Variants in STK32A observed in about 807,000 individuals in gnomAD.
The protein encoded by STK32A is serine/threonine kinase 32A.
In STK32A, 41 loss-of-function variants were observed where a neutral mutation model predicts 53.2. That is an observed-to-expected ratio of 0.77 (90% CI 0.60 to 1.00). The LOEUF (loss-of-function observed/expected upper bound fraction) is 1.00, where lower values mean the gene tolerates loss of function less well. Ranked by LOEUF, STK32A falls within the 50% of genes least tolerant of loss-of-function variation. The pLI, the probability that STK32A is intolerant of heterozygous loss-of-function variation, is 0.00. For synonymous variants in STK32A, 166 were observed against 162.8 expected (o/e 1.02, Z -0.15); for missense variants, 458 against 485.8 (o/e 0.94, Z 0.54).
At chr5:147,355,811 T>TATATATATATATATATATATATAA (rs1756210964) in intron 7 of STK32A, among the ~76,000 whole-genome samples, 1 of 148,198 alleles carries the variant, frequency 6.7e-6, no homozygotes, top group African/African-American at 2.5e-5. Flanking sequence ...TATATATATA[T>TATATATATATATATATATATATAA]AAATAAGTTC....
the STK32A span, chr5:147,395,746 CCATT>C: frequency 6.2e-7 from 1 of 1,612,040 alleles, no homozygotes. Context: ...GAGCATGTCA[CCATT>C]CATTCATTCA....
intron 4 of STK32A, among the ~76,000 whole-genome samples, chr5:147,317,635 T>G (rs147086991): frequency 0.021 from 3,170 of 152,170 alleles, 110 homozygotes; most frequent in African/African-American, 0.073. Flanking sequence ...CACCCTTGGT[T>G]TTTTTCAACA....
chr5:147,318,375 T>G (rs1374163828), intron 4 of STK32A, among the ~76,000 whole-genome samples: 1 of 152,162 alleles, frequency 6.6e-6, no homozygotes, highest in Non-Finnish European at 1.5e-5. Flanking sequence ...TCGATGGGCA[T>G]GTAAATTGTG....
rs539230950 is a variant in STK32A, at chr5:147,291,385, C to T, written c.260+11987C>T. 9.2e-5 allele frequency among the ~76,000 whole-genome samples: 14 copies of T among 152,092 alleles called. No individual in the cohort carries two copies. In the East Asian group the frequency reaches 9.7e-4, roughly 11 times the overall value. On this transcript the variant is annotated intron_variant, in intron 4 of 12. Coordinates refer to ENST00000397936, the MANE Select transcript of STK32A (RefSeq NM_001112724.2). ...ATCAGAAGCAAAATTGGGATGGCAT[C>T]GCAGGGTGCCACAAATGAGACCTCA...
chr5:147,364,865 G>T (rs1375305752), intron 8 of STK32A, among the ~76,000 whole-genome samples: 3 of 152,084 alleles, frequency 2.0e-5, no homozygotes, highest in Admixed American at 6.6e-5. Flanking sequence ...AAATTTTGGG[G>T]GGATACATTC....
At chr5:147,279,217 T>A (rs1751916790) in intron 3 of STK32A, 30 bp from the exon 4 acceptor site, 3 of 1,586,220 alleles carry the variant, frequency 1.9e-6, no homozygotes, top group African/African-American at 1.3e-5. Flanking sequence ...ATCTCCCTAA[T>A]CACTCTCTCA....
chr5:147,240,034 T>C (rs1048508250), intron 2 of STK32A: 4 of 217,594 alleles, frequency 1.8e-5, no homozygotes, highest in African/African-American at 9.3e-5. Flanking sequence ...AAATACATTA[T>C]CAACATGTAC....
At chr5:147,342,929 T>C (rs530077791) in intron 5 of STK32A, 77 bp from the exon 6 acceptor site, 1 of 1,381,600 alleles carries the variant, frequency 7.2e-7, no homozygotes, top group South Asian at 1.2e-5. Flanking sequence ...TTAGCTTTCT[T>C]AAGCCTTTTT....
chr5:147,339,241 A>G (rs1277626191), intron 5 of STK32A, among the ~76,000 whole-genome samples: 1 of 152,198 alleles, frequency 6.6e-6, no homozygotes, highest in Non-Finnish European at 1.5e-5. Context: ...GGGCCAACAT[A>G]CAGTTCAGAC....
At chr5:147,294,458 C>A (rs558691894) in intron 4 of STK32A, among the ~76,000 whole-genome samples, 44 of 152,008 alleles carry the variant, frequency 2.9e-4, no homozygotes, top group Non-Finnish European at 6.0e-4. Flanking sequence ...GACGGGGTTT[C>A]ACCATATTGG....
intron 2 of STK32A, among the ~76,000 whole-genome samples, chr5:147,245,635 G>A (rs796301185): frequency 6.1e-4 from 93 of 152,256 alleles, no homozygotes; most frequent in African/African-American, 2.0e-3. Flanking sequence ...TTTATACAAA[G>A]AATGTAAAGG....
intron 2 of STK32A, among the ~76,000 whole-genome samples, chr5:147,250,017 A>C (rs4565260): frequency 0.24 from 36,784 of 151,652 alleles, 4,516 homozygotes; most frequent in Admixed American, 0.3. Context: ...GAGTTTATTC[A>C]ACATTTATTT....
At chr5:147,357,785 A>G (rs868725450) in intron 7 of STK32A, among the ~76,000 whole-genome samples, 46 of 152,168 alleles carry the variant, frequency 3.0e-4, no homozygotes, top group African/African-American at 1.0e-3. Flanking sequence ...TGTGGCAAGG[A>G]TCTGACTTTA....
intron 3 of STK32A, 97 bp downstream of exon 3, chr5:147,278,276 C>A: frequency 1.1e-6 from 1 of 915,314 alleles, no homozygotes; most frequent in Non-Finnish European, 1.7e-6. Context: ...GCTGGGACCG[C>A]AAGGAAAGAT....
At chr5:147,322,197 T>C (rs1283568986) in intron 4 of STK32A, among the ~76,000 whole-genome samples, 2 of 152,220 alleles carry the variant, frequency 1.3e-5, no homozygotes, top group Non-Finnish European at 2.9e-5. Flanking sequence ...TGCATCGAGA[T>C]GAAGAATAGT....
chr5:147,257,892 A>C (rs1438781611), intron 2 of STK32A, among the ~76,000 whole-genome samples: 1 of 152,162 alleles, frequency 6.6e-6, no homozygotes, highest in Non-Finnish European at 1.5e-5. Context: ...ATGTGGGGAC[A>C]TCAGCAGTGG....
rs376225585 is a variant in STK32A, at chr5:147,361,613, G to A, written c.659G>A (p.Arg220Gln). Residue 220 changes from arginine (R) to glutamine (Q), a missense_variant and splice_region_variant, in exon 8 of 13, where the codon CGG (arginine) becomes CAG (glutamine). Physicochemically the swap from Arg to Gln is conservative, Grantham distance 43. Transcript: ENST00000397936. ...ACGGCATATGAACTGCTGAGAGGCC[G>A]GGTACTGTAGTAGCATTTCCTCTTT... ...GVTAYELLRGRRPYHIRSSTS... is the reference protein window; with the variant it reads ...GVTAYELLRGQRPYHIRSSTS... 31 of 1,600,056 alleles carry A rather than the reference G, an allele frequency of 1.9e-5. No individual in the cohort carries two copies. The highest frequency in any genetic ancestry group is 1.1e-4 in the East Asian group (5 of 44,822).
intron 2 of STK32A, among the ~76,000 whole-genome samples, chr5:147,254,970 T>C (rs931867292): frequency 2.6e-5 from 4 of 152,032 alleles, no homozygotes; most frequent in African/African-American, 9.7e-5. Context: ...AAACCCCGTC[T>C]CTACTAAAAA....
chr5:147,300,476 T>G (rs556082608), intron 4 of STK32A, among the ~76,000 whole-genome samples: 61 of 152,364 alleles, frequency 4.0e-4, no homozygotes, highest in African/African-American at 1.4e-3. Flanking sequence ...TATGTCTGTA[T>G]GTTTTTTATC....
Sources: allele counts gnomAD v4.1 joint callset (sites outside exome capture counted in the v4.1 genomes callset), GRCh38; gene constraint gnomAD v4.1.1; transcripts MANE v1.5; gene names NCBI Gene and HGNC (gene_info 2026-07-23, HGNC 2026-07-21).